The following NIBAN2 variants were observed in gnomAD, a reference collection of about 807,000 sequenced individuals.
NIBAN2 encodes protein Niban 2.
A neutral mutation model predicts 81.8 loss-of-function variants in NIBAN2; 36 were observed. That is an observed-to-expected ratio of 0.44 (90% CI 0.34 to 0.58). NIBAN2 has a LOEUF of 0.58. Among genes scored for constraint, NIBAN2 ranks in the 20% least tolerant of loss-of-function variants. The pLI is 0.02. For missense variants in NIBAN2, 897 were observed against 1,014.1 expected (o/e 0.88, Z 1.57); for synonymous variants, 445 against 441.6 (o/e 1.01, Z -0.10).
chr9:127,518,914 C>T (rs1426552034), intron 5 of NIBAN2, among the ~76,000 whole-genome samples: 1 of 152,208 alleles, frequency 6.6e-6, no homozygotes, highest in Non-Finnish European at 1.5e-5. Flanking sequence ...TGGCTCATGC[C>T]TGCAATCCCA....
At chr9:127,523,940 T>A in intron 4 of NIBAN2, 94 bp from the exon 5 acceptor site, 2 of 1,379,468 alleles carry the variant, frequency 1.4e-6, no homozygotes, top group South Asian at 2.6e-5. Flanking sequence ...AGCTCTGAGG[T>A]CAGGCTCAGG....
At chr9:127,526,991 G>C (rs1248347257) in intron 3 of NIBAN2, among the ~76,000 whole-genome samples, 3 of 152,160 alleles carry the variant, frequency 2.0e-5, no homozygotes, top group Non-Finnish European at 4.4e-5. Flanking sequence ...ATTCCCCAGA[G>C]ATGAAGAATG....
intron 9 of NIBAN2, 161 bp downstream of exon 9, chr9:127,509,985 C>A: frequency 1.7e-6 from 1 of 598,090 alleles, no homozygotes. Context: ...TCCAACAGCC[C>A]TGGCCTCACA....
chr9:127,524,965 G>T, intron 4 of NIBAN2, 93 bp downstream of exon 4: 1 of 916,740 alleles, frequency 1.1e-6, no homozygotes, highest in Non-Finnish European at 1.7e-6. Context: ...CGCAAACATG[G>T]GGCTGAAAGC....
chr9:127,567,047 C>A (rs1227669085), intron 1 of NIBAN2, among the ~76,000 whole-genome samples: 1 of 152,140 alleles, frequency 6.6e-6, no homozygotes, highest in African/African-American at 2.4e-5. Flanking sequence ...AGCCTGGTAT[C>A]CAGAAAATAA....
At chr9:127,529,099 C>G (rs1016088990) in intron 2 of NIBAN2, among the ~76,000 whole-genome samples, 1 of 151,906 alleles carries the variant, frequency 6.6e-6, no homozygotes, top group Non-Finnish European at 1.5e-5. Context: ...GGAAATGAAA[C>G]AGAACTCGAC....
chr9:127,527,903 G>C (rs950620063), intron 2 of NIBAN2, among the ~76,000 whole-genome samples: 1 of 152,152 alleles, frequency 6.6e-6, no homozygotes, highest in African/African-American at 2.4e-5. Context: ...AAAAGGAGTA[G>C]GGGGAATGGA....
chr9:127,550,065 C>G (rs1161332255), intron 1 of NIBAN2, among the ~76,000 whole-genome samples: 2 of 152,184 alleles, frequency 1.3e-5, no homozygotes, highest in Non-Finnish European at 2.9e-5. Flanking sequence ...GCCTCAGTGT[C>G]TCCCCATCAC....
chr9:127,563,565 C>G lies in NIBAN2; in HGVS notation c.55+5255G>C, dbSNP rs1445785234. 6.6e-6 allele frequency among the ~76,000 whole-genome samples: 1 copy of G among 151,986 alleles called. No individual in the cohort carries two copies. The highest frequency in any genetic ancestry group is 2.4e-5 in the African/African-American group (1 of 41,368). ...TGAGACAGAGTCTCACTCTGTCACC[C>G]AGGCTGGAGTGCAATGGTGCGATCT... On this transcript the variant is annotated intron_variant, in intron 1 of 13. Transcript: ENST00000373312. This position sits in a 1 kb window ranked among gnomAD's most constrained non-coding sequence, Gnocchi z 4.1.
At position 127,507,409 on chromosome 9, in the gene NIBAN2, C is replaced by A; in HGVS notation, c.1677G>T (p.Gln559His). 1 of 1,515,054 alleles carries A rather than the reference C, an allele frequency of 6.6e-7. No individual in the cohort carries two copies. 93.9% of individuals were successfully genotyped at this position (1,515,054 alleles called of 1,614,324 possible). The change falls in exon 14 of 14, where the codon CAG (glutamine) becomes CAT (histidine). Residue 559 changes from glutamine (Q) to histidine (H), a missense_variant. Physicochemically the swap from Gln to His is conservative, Grantham distance 24. This residue lies in a region of NIBAN2 where 619 missense variants were observed against 691.0 expected (regional missense o/e 0.90). Transcript: ENST00000373312. This position sits in a 1 kb window ranked among gnomAD's most constrained non-coding sequence, Gnocchi z 6.8. ...ILQAVKEAAV[Q>H]RKHNLYRDSM... Reference sequence around the variant, plus strand: ...TGTCCCGGTAGAGGTTGTGCTTCCTCTGCACCGCGGCCTCCTTCACAGCTA... The same window carrying A: ...TGTCCCGGTAGAGGTTGTGCTTCCTATGCACCGCGGCCTCCTTCACAGCTA...
Position 127,507,367 on chromosome 9 carries a change from G to A in NIBAN2, c.1719C>T (p.Asn573=), listed in dbSNP as rs1473310809. The part of the protein sequence containing the change: ...NLYRDSMVMH[N]SDPNLHLLAE... ...CCAGCAGGTGCAGGTTGGGGTCGCTGTTGTGCATGACCATGCTGTCCCGGT... is the reference window on the plus strand; with the variant it reads ...CCAGCAGGTGCAGGTTGGGGTCGCTATTGTGCATGACCATGCTGTCCCGGT... Residue 573 remains asparagine (N), a synonymous_variant, in exon 14 of 14, where the codon AAC becomes AAT. Coordinates refer to ENST00000373312, the MANE Select transcript of NIBAN2 (RefSeq NM_022833.4). This position sits in a 1 kb window ranked among gnomAD's most constrained non-coding sequence, Gnocchi z 6.8. 8 of 1,536,414 alleles carry A rather than the reference G, an allele frequency of 5.2e-6. No homozygotes were observed. Among genetic ancestry groups the A allele is most frequent in the Non-Finnish European group, 7.0e-6 (8 of 1,140,578 alleles).
At chr9:127,568,147 G>C (rs374420803) in intron 1 of NIBAN2, among the ~76,000 whole-genome samples, 1 of 152,348 alleles carries the variant, frequency 6.6e-6, no homozygotes, top group African/African-American at 2.4e-5. Context: ...TGAAGAACAG[G>C]GTTGAAGGGG....
At chr9:127,513,225 T>C (rs1342494219) in intron 8 of NIBAN2, among the ~76,000 whole-genome samples, 1 of 151,404 alleles carries the variant, frequency 6.6e-6, no homozygotes, top group Non-Finnish European at 1.5e-5. Context: ...AACAGACAAA[T>C]AAACAAGCAG....
chr9:127,568,670 G>C (rs1483274452), intron 1 of NIBAN2, 150 bp downstream of exon 1: 8 of 632,670 alleles, frequency 1.3e-5, no homozygotes, highest in Non-Finnish European at 1.5e-5. Context: ...GAACGAGCTC[G>C]GACGCGGGGC....
intron 3 of NIBAN2, among the ~76,000 whole-genome samples, chr9:127,525,910 G>T (rs1285167048): frequency 6.6e-6 from 1 of 152,168 alleles, no homozygotes; most frequent in Admixed American, 6.5e-5. Context: ...GGAGAATTAG[G>T]TCTAGAAACT....
Position 127,559,288 on chromosome 9 carries a change from A to T in NIBAN2, c.55+9532T>A, listed in dbSNP as rs899918563. On this transcript the variant is annotated intron_variant, in intron 1 of 13. Coordinates refer to ENST00000373312, the MANE Select transcript of NIBAN2 (RefSeq NM_022833.4). This position sits in a 1 kb window ranked among gnomAD's most constrained non-coding sequence, Gnocchi z 4.0. ...TTCAACGGCAAGATGGCCTCCTGCA[A>T]TGTGGAGGTGCTGCACCTGCTCTGT... is the stretch of plus-strand genomic sequence containing the variant. Among the ~76,000 whole-genome samples the T allele has an allele frequency of 6.6e-6, 1 of 152,204 alleles. No individual in the cohort carries two copies. The highest frequency in any genetic ancestry group is 1.5e-5 in the Non-Finnish European group (1 of 68,032).
chr9:127,557,062 G>A (rs1837685073), intron 1 of NIBAN2, among the ~76,000 whole-genome samples: 3 of 152,216 alleles, frequency 2.0e-5, no homozygotes, highest in African/African-American at 7.2e-5. Flanking sequence ...GGGCAACAGT[G>A]CAAGACCCTG....
rs764778214 is a variant in NIBAN2 at position 127,507,124 on chromosome 9, T to A, written c.1962A>T (p.Arg654=). The change falls in exon 14 of 14, where the codon CGA becomes CGT. Residue 654 remains arginine, a synonymous_variant. Transcript: ENST00000373312. This position sits in a 1 kb window ranked among gnomAD's most constrained non-coding sequence, Gnocchi z 6.8. Reference sequence around the variant, plus strand: ...GCCGCAGACCTTGGGCCAGCAGGCCTCGGATCTCAGTGACACCGTCCGGGG... The same window carrying A: ...GCCGCAGACCTTGGGCCAGCAGGCCACGGATCTCAGTGACACCGTCCGGGG... ...PASPDGVTEI[R]GLLAQGLRPE... 6.3e-7 allele frequency: 1 copy of A among 1,594,602 alleles called. No homozygotes were observed.
rs375048436 is a variant in NIBAN2 at position 127,517,083 on chromosome 9, C to G, written c.810+29G>C. ...GCACCGCACCAGCTGCAGGTCCCGT[C>G]CCCGCTCCAGGGCCCCAGGCCCACC... On this transcript the variant is annotated intron_variant, in intron 7 of 13. Transcript: ENST00000373312. This position sits in a 1 kb window ranked among gnomAD's most constrained non-coding sequence, Gnocchi z 4.0. The G allele has an allele frequency of 8.1e-6, 13 of 1,611,168 alleles. No homozygotes were observed. The highest frequency in any genetic ancestry group is 2.2e-5 in the South Asian group (2 of 90,908).
Sources: gnomAD v4.1 joint callset for allele counts (sites outside exome capture counted in the v4.1 genomes callset) on GRCh38, gnomAD v4.1.1 for gene constraint, gnomAD v4.1.1 regional missense constraint, Gnocchi (gnomAD v3.1) non-coding constraint, MANE v1.5 for transcripts, NCBI Gene and HGNC (gene_info 2026-07-23, HGNC 2026-07-21) for gene names.